The following RAPGEF4 variants were observed in gnomAD, a reference collection of about 807,000 sequenced individuals.
The protein encoded by RAPGEF4 is Rap guanine nucleotide exchange factor 4.
A neutral mutation model predicts 147.9 loss-of-function variants in RAPGEF4; 66 were observed. The observed-to-expected ratio is 0.45, with a 90% CI of 0.37 to 0.55. The LOEUF (loss-of-function observed/expected upper bound fraction) is 0.55. RAPGEF4 is among the 20% of genes least tolerant of loss of function. The pLI, the probability that RAPGEF4 is intolerant of heterozygous loss-of-function variation, is 0.00. For missense variants in RAPGEF4, 1,071 were observed against 1,257.3 expected (o/e 0.85, Z 2.24); for synonymous variants, 419 against 442.7 (o/e 0.95, Z 0.67).
intron 6 of RAPGEF4, among the ~76,000 whole-genome samples, chr2:172,945,839 A>G (rs1687625018): frequency 6.6e-6 from 1 of 152,190 alleles, no homozygotes; most frequent in African/African-American, 2.4e-5. Context: ...CAAGTGGCCA[A>G]AGATAGACCA....
chr2:172,906,527 G>A (rs781398582), intron 4 of RAPGEF4, among the ~76,000 whole-genome samples: 1 of 152,170 alleles, frequency 6.6e-6, no homozygotes, highest in Non-Finnish European at 1.5e-5. Context: ...TGATGCTTTC[G>A]CTACAGCCTG....
chr2:172,748,577 A>G (rs1328881743), intron 1 of RAPGEF4, among the ~76,000 whole-genome samples: 1 of 152,160 alleles, frequency 6.6e-6, no homozygotes, highest in African/African-American at 2.4e-5. Context: ...CTCCCACAAC[A>G]CAAGGGAATT....
chr2:172,831,210 C>T (rs914490226), intron 4 of RAPGEF4, among the ~76,000 whole-genome samples: 2 of 144,146 alleles, frequency 1.4e-5, no homozygotes, highest in Admixed American at 7.1e-5. Context: ...TTAGCACCGT[C>T]TGATGTTTTA....
chr2:172,764,003 C>T (rs1338000990), intron 1 of RAPGEF4, among the ~76,000 whole-genome samples: 2 of 152,028 alleles, frequency 1.3e-5, no homozygotes, highest in Non-Finnish European at 2.9e-5. Context: ...GTAATCACAA[C>T]ACTGTGGGAG....
At chr2:172,760,922 C>T (rs999032444) in intron 1 of RAPGEF4, among the ~76,000 whole-genome samples, 1 of 151,586 alleles carries the variant, frequency 6.6e-6, no homozygotes, top group Admixed American at 6.6e-5. Flanking sequence ...AATATGAAAA[C>T]TTAAAGAAAT....
At chr2:172,834,311 GT>G (rs1234507647) in intron 4 of RAPGEF4, among the ~76,000 whole-genome samples, 1 of 152,200 alleles carries the variant, frequency 6.6e-6, no homozygotes, top group African/African-American at 2.4e-5. Context: ...GCCTTCAGTG[GT>G]TCTAGTAAAA....
intron 6 of RAPGEF4, among the ~76,000 whole-genome samples, chr2:172,954,843 G>T (rs550231156): frequency 6.6e-6 from 1 of 152,272 alleles, no homozygotes; most frequent in South Asian, 2.1e-4. Flanking sequence ...CCAAAATGTT[G>T]CAGCATTTAT....
Position 172,898,251 on chromosome 2 carries a change from T to A in RAPGEF4, c.445-19551T>A, listed in dbSNP as rs567686073. 6.0e-4 allele frequency among the ~76,000 whole-genome samples: 92 copies of A among 152,246 alleles called. 1 individual carries two copies. The highest frequency in any genetic ancestry group is 2.2e-3 in the African/African-American group (91 of 41,538). ...TGGTAGATATCCACATGATATGATG[T>A]GCAGGCTGGAGGAAGGAGAGGCTGG... On this transcript the variant is annotated intron_variant, in intron 4 of 30. Coordinates refer to ENST00000397081, the MANE Select transcript of RAPGEF4 (RefSeq NM_007023.4).
At chr2:172,903,671 A>G (rs1464404393) in intron 4 of RAPGEF4, among the ~76,000 whole-genome samples, 3 of 151,660 alleles carry the variant, frequency 2.0e-5, no homozygotes, top group African/African-American at 4.9e-5. Context: ...ACCAATGTGC[A>G]TGGATATGGC....
intron 4 of RAPGEF4, among the ~76,000 whole-genome samples, chr2:172,824,388 C>G (rs1041131582): frequency 2.6e-5 from 4 of 152,192 alleles, no homozygotes; most frequent in African/African-American, 9.7e-5. Context: ...TCACCATTCC[C>G]CTTTGTGCTT....
rs368166254 is a variant in RAPGEF4, at chr2:172,908,544, G to A, written c.445-9258G>A. Among the ~76,000 whole-genome samples, 28 of 152,316 alleles carry A rather than the reference G, an allele frequency of 1.8e-4. No individual in the cohort carries two copies. In the East Asian group the frequency reaches 3.3e-3, roughly 18 times the overall value. On this transcript the variant is annotated intron_variant, in intron 4 of 30. Transcript: ENST00000397081. Reference sequence around the variant, plus strand: ...ACACTTCGTAGACAAATCCTAAATTGGTCTTTGTTGATGCTTCATGTAGAT... The same window carrying A: ...ACACTTCGTAGACAAATCCTAAATTAGTCTTTGTTGATGCTTCATGTAGAT...
intron 1 of RAPGEF4, among the ~76,000 whole-genome samples, chr2:172,745,947 G>A (rs980274168): frequency 4.6e-5 from 7 of 152,156 alleles, no homozygotes; most frequent in African/African-American, 7.2e-5. Flanking sequence ...GTAATTCTGC[G>A]AGGGGGCCAA....
intron 4 of RAPGEF4, among the ~76,000 whole-genome samples, chr2:172,822,402 G>C (rs1029365095): frequency 6.6e-6 from 1 of 152,132 alleles, no homozygotes; most frequent in Non-Finnish European, 1.5e-5. Flanking sequence ...CACCCTCCAG[G>C]CCCCTGGAAG....
chr2:172,922,816 A>C (rs576021448), intron 6 of RAPGEF4, among the ~76,000 whole-genome samples: 5 of 152,248 alleles, frequency 3.3e-5, no homozygotes, highest in Non-Finnish European at 7.3e-5. Flanking sequence ...TTTAGGACAA[A>C]GATTTCACCA....
At chr2:172,918,619 A>T (rs993919669) in intron 5 of RAPGEF4, among the ~76,000 whole-genome samples, 2 of 152,174 alleles carry the variant, frequency 1.3e-5, no homozygotes, top group African/African-American at 4.8e-5. Flanking sequence ...GGTCCCCACT[A>T]AACTCAAAGA....
intron 1 of RAPGEF4, among the ~76,000 whole-genome samples, chr2:172,737,646 G>T (rs780185213): frequency 6.6e-6 from 1 of 151,776 alleles, no homozygotes; most frequent in Non-Finnish European, 1.5e-5. Context: ...TGCTTGAAAT[G>T]GATTTTTTAG....
At chr2:172,996,576 C>T (rs761814119) in intron 16 of RAPGEF4, 22 bp downstream of exon 16, 1 of 1,457,812 alleles carries the variant, frequency 6.9e-7, no homozygotes, top group East Asian at 2.4e-5. Context: ...GAACCGTTTG[C>T]ATGTCCATTA....
At chr2:172,846,606 T>A (rs1480521993) in intron 4 of RAPGEF4, among the ~76,000 whole-genome samples, 1 of 152,156 alleles carries the variant, frequency 6.6e-6, no homozygotes, top group African/African-American at 2.4e-5. Context: ...AGATCTCAGT[T>A]CTTAGATCGT....
intron 6 of RAPGEF4, among the ~76,000 whole-genome samples, chr2:172,933,832 G>T (rs1686234147): frequency 1.3e-5 from 2 of 152,264 alleles, no homozygotes; most frequent in South Asian, 4.1e-4. Context: ...GGCTAACAAA[G>T]CATTATTTAA....
Sources: allele counts gnomAD v4.1 joint callset (sites outside exome capture counted in the v4.1 genomes callset), GRCh38; gene constraint gnomAD v4.1.1; transcripts MANE v1.5; gene names NCBI Gene and HGNC (gene_info 2026-07-23, HGNC 2026-07-21).